Variants in C2 observed in about 807,000 individuals in gnomAD.
C2 encodes complement C2.
A neutral mutation model predicts 85.2 loss-of-function variants in C2; 64 were observed. The ratio of observed to expected loss-of-function variants is 0.75; its 90% CI spans 0.61 to 0.92. The LOEUF (loss-of-function observed/expected upper bound fraction) is 0.92, where lower values mean the gene tolerates loss of function less well. C2 is among the 40% of genes least tolerant of loss of function. C2 has a pLI of 0.00. For missense variants in C2, 820 were observed against 971.6 expected, an observed-to-expected ratio of 0.84 and a Z score of 2.07; for synonymous variants, 311 against 370.8, an observed-to-expected ratio of 0.84 and a Z score of 1.85.
At chr6:31,909,336 G>C (rs557684334) in intron 1 of C2, among the ~76,000 whole-genome samples, 9 of 151,714 alleles carry the variant, frequency 5.9e-5, no homozygotes, top group Non-Finnish European at 2.9e-5. Context: ...GATCTCTGTT[G>C]ACCAGACTGG....
At chr6:31,936,359 C>G (rs1770420456) in intron 7 of C2, 1 of 451,604 alleles carries the variant, frequency 2.2e-6, no homozygotes, top group African/African-American at 2.0e-5. Context: ...CTCCCCATGT[C>G]ATTAGCCACC....
chr6:31,935,618 T>A lies in C2; in HGVS notation c.850-305T>A, dbSNP rs1770344014. Among the ~76,000 whole-genome samples the A allele has an allele frequency of 6.6e-6, 1 of 152,036 alleles. No individual in the cohort carries two copies. The highest frequency in any genetic ancestry group is 6.6e-5 in the Admixed American group (1 of 15,254). On this transcript the variant is annotated intron_variant, in intron 6 of 17. Transcript: ENST00000299367. This position sits in a 1 kb window ranked among gnomAD's most constrained non-coding sequence, Gnocchi z 4.3. Reference sequence around the variant, plus strand: ...CTGAGTAGCTGGGATTATAGGTGCTTGCCACCATACCAGGCTAATTTTTGT... The same window carrying A: ...CTGAGTAGCTGGGATTATAGGTGCTAGCCACCATACCAGGCTAATTTTTGT...
upstream of C2, among the ~76,000 whole-genome samples, chr6:31,915,882 C>A (rs927181169): frequency 6.6e-6 from 1 of 152,222 alleles, no homozygotes; most frequent in Non-Finnish European, 1.5e-5. Context: ...TCATGAAGAG[C>A]CTCAATGGCT....
intron 9 of C2, among the ~76,000 whole-genome samples, chr6:31,940,566 C>T (rs1489334811): frequency 6.6e-6 from 1 of 152,156 alleles, no homozygotes; most frequent in Non-Finnish European, 1.5e-5. Context: ...TGAGCCCCAA[C>T]CTTTCATCTT....
rs185246151 is a variant in C2 at position 31,920,767 on chromosome 6, G to A, written c.-100+741G>A. On this transcript the variant is annotated intron_variant, in intron 1 of 3. Coordinates refer to the C2 transcript ENST00000413154. This position sits in a 1 kb window ranked among gnomAD's most constrained non-coding sequence, Gnocchi z 5.6. Reference sequence around the variant, plus strand: ...AGTTTTTGTCTGAAAGAGATATGGCGCCTACAGGAGGTCAGGGACAGGCCT... The same window carrying A: ...AGTTTTTGTCTGAAAGAGATATGGCACCTACAGGAGGTCAGGGACAGGCCT... 1.4e-3 allele frequency among the ~76,000 whole-genome samples: 220 copies of A among 152,266 alleles called. No individual in the cohort carries two copies. Among genetic ancestry groups the A allele is most frequent in the African/African-American group, 5.2e-3 (215 of 41,546 alleles).
chr6:31,905,667 T>A (rs1767668546), intron 1 of C2, among the ~76,000 whole-genome samples: 1 of 151,974 alleles, frequency 6.6e-6, no homozygotes, highest in Non-Finnish European at 1.5e-5. Flanking sequence ...TGACTAGGGA[T>A]GCAAGGAATA....
rs373050754 is a variant in C2, at chr6:31,945,084, G to C, written c.2079+55G>C. The C allele has an allele frequency of 1.9e-6, 3 of 1,610,292 alleles. No individual in the cohort carries two copies. Among genetic ancestry groups the C allele is most frequent in the African/African-American group, 1.3e-5 (1 of 74,838 alleles). On this transcript the variant is annotated intron_variant, in intron 17 of 17. Transcript: ENST00000299367. This position sits in a 1 kb window ranked among gnomAD's most constrained non-coding sequence, Gnocchi z 5.3. ...GGGTTACAGGATCTCAGCCTTGTTGGGGGGATGAGGGAGGCCTTTGAGGGA... is the reference window on the plus strand; with the variant it reads ...GGGTTACAGGATCTCAGCCTTGTTGCGGGGATGAGGGAGGCCTTTGAGGGA...
chr6:31,927,149 T>G (rs1582063969), upstream of C2, among the ~76,000 whole-genome samples: 1 of 152,282 alleles, frequency 6.6e-6, no homozygotes, highest in East Asian at 1.9e-4. This position sits in a 1 kb window ranked among gnomAD's most constrained non-coding sequence, Gnocchi z 4.7. Context: ...TTGTAGGGAA[T>G]AAAAAAGTAT....
Position 31,935,883 on chromosome 6 carries a change from T to G in C2, c.850-40T>G. The G allele has an allele frequency of 6.2e-7, 1 of 1,611,350 alleles. No homozygotes were observed. The highest frequency in any genetic ancestry group is 8.5e-7 in the Non-Finnish European group (1 of 1,179,556). ...GCTCTCTTACCATCTCCCCTTTGGC[T>G]TCAGGGCCCTTTACGCTGCCTCTCA... is the stretch of plus-strand genomic sequence containing the variant. On this transcript the variant is annotated intron_variant, in intron 6 of 17. Coordinates refer to ENST00000299367, the MANE Select transcript of C2 (RefSeq NM_000063.6). The surrounding 1 kb of genome is among the most constrained non-coding windows in gnomAD (Gnocchi z 4.3).
intron 8 of C2, among the ~76,000 whole-genome samples, chr6:31,938,518 G>T (rs1295616285): frequency 2.0e-5 from 3 of 149,636 alleles, no homozygotes; most frequent in Non-Finnish European, 4.4e-5. Flanking sequence ...TTGAGACAGG[G>T]TCTCACTCTA....
intron 1 of C2, among the ~76,000 whole-genome samples, chr6:31,908,941 T>C (rs1392159547): frequency 1.3e-5 from 2 of 152,102 alleles, no homozygotes; most frequent in Non-Finnish European, 2.9e-5. Context: ...TTGATATGAC[T>C]GGCTTTATTG....
chr6:31,936,241 T>G, intron 7 of C2, 180 bp downstream of exon 7: 1 of 655,216 alleles, frequency 1.5e-6, no homozygotes, highest in Non-Finnish European at 2.7e-6. Context: ...TGCCCCCAGC[T>G]CATAGCTCAT....
At chr6:31,934,027 A>G in intron 5 of C2, 62 bp downstream of exon 5, 1 of 1,556,888 alleles carries the variant, frequency 6.4e-7, no homozygotes. Flanking sequence ...GGAGCAAGGG[A>G]GGATGCAACC....
upstream of C2, among the ~76,000 whole-genome samples, chr6:31,918,675 G>T (rs943796059): frequency 1.3e-5 from 2 of 151,686 alleles, no homozygotes; most frequent in Non-Finnish European, 1.5e-5. Context: ...CGAGGTGGGC[G>T]GATCACGAGG....
At chr6:31,916,256 C>T (rs908778779), upstream of C2, among the ~76,000 whole-genome samples, 1 of 152,004 alleles carries the variant, frequency 6.6e-6, no homozygotes, top group African/African-American at 2.4e-5. Flanking sequence ...GGAGGAAAGG[C>T]CAGTTTAAGA....
chr6:31,900,145 G>A, upstream of C2: 1 of 1,614,210 alleles, frequency 6.2e-7, no homozygotes, highest in Non-Finnish European at 8.5e-7. This position sits in a 1 kb window ranked among gnomAD's most constrained non-coding sequence, Gnocchi z 9.7. Flanking sequence ...TGCCGCACGA[G>A]TGTGACTTGA....
At chr6:31,902,045 CGCGGCG>C (rs753112023) in intron 1 of C2, 2 of 150,514 alleles carry the variant, frequency 1.3e-5, no homozygotes, top group East Asian at 2.0e-4. Context: ...GCCCCGCGCG[CGCGGCG>C]GCGGCGGCGT....
intron 8 of C2, 33 bp downstream of exon 8, chr6:31,937,492 T>C (rs1158750606): frequency 6.2e-7 from 1 of 1,611,944 alleles, no homozygotes; most frequent in African/African-American, 1.3e-5. Context: ...GTGTCTGGAA[T>C]AGTGGAAGGG....
At position 31,944,985 on chromosome 6, in the gene C2, T is replaced by C. The variant is rs1228753690; in HGVS notation, c.2035T>C (p.Ser679Pro). ...QEDESPCKGE[S>P]GGAVFLERRF... ...CTGTCACCCTTTGCTGGCAGGAGAA[T>C]CTGGGGGAGCAGTTTTCCTTGAGCG... Residue 679 changes from serine (S) to proline (P), a missense_variant, in exon 17 of 18, where the codon TCT becomes CCT. Ser to Pro is a moderately conservative substitution (Grantham distance 74). Coordinates refer to ENST00000299367, the MANE Select transcript of C2 (RefSeq NM_000063.6). The surrounding 1 kb of genome is among the most constrained non-coding windows in gnomAD (Gnocchi z 5.1). The C allele has an allele frequency of 6.2e-7, 1 of 1,613,066 alleles. No individual in the cohort carries two copies. The highest frequency in any genetic ancestry group is 8.5e-7 in the Non-Finnish European group (1 of 1,180,024).
Sources: allele counts gnomAD v4.1 joint callset (sites outside exome capture counted in the v4.1 genomes callset), GRCh38; gene constraint gnomAD v4.1.1; non-coding constraint Gnocchi (gnomAD v3.1); transcripts MANE v1.5; gene names NCBI Gene and HGNC (gene_info 2026-07-23, HGNC 2026-07-21).